The following CADPS2 variants were observed in gnomAD, a reference collection of about 807,000 sequenced individuals.
The protein encoded by CADPS2 is calcium dependent secretion activator 2, also known as calcium-dependent secretion activator 2.
A neutral mutation model predicts 172.5 loss-of-function variants in CADPS2; 93 were observed. That is an observed-to-expected ratio of 0.54 (90% confidence interval 0.46 to 0.64). The LOEUF (loss-of-function observed/expected upper bound fraction) is 0.64. Ranked by LOEUF, CADPS2 falls within the 30% of genes least tolerant of loss-of-function variation. The pLI is 0.00. For synonymous variants in CADPS2, 546 were observed against 555.2 expected, an observed-to-expected ratio of 0.98 and a Z score of 0.23; for missense variants, 1,420 against 1,565.9, an observed-to-expected ratio of 0.91 and a Z score of 1.57.
At chr7:122,471,625 T>G in intron 13 of CADPS2, 63 bp from the exon 14 acceptor site, 3 of 1,395,476 alleles carry the variant, frequency 2.1e-6, no homozygotes, top group Non-Finnish European at 2.9e-6. Flanking sequence ...TTTGCTTTCC[T>G]GAACGCACTT....
intron 6 of CADPS2, among the ~76,000 whole-genome samples, chr7:122,592,988 G>GCATA (rs1554648185): frequency 2.7e-5 from 4 of 148,144 alleles, no homozygotes; most frequent in African/African-American, 1.0e-4. Flanking sequence ...GAAGTAAAAT[G>GCATA]AATAAATAAA....
intron 15 of CADPS2, among the ~76,000 whole-genome samples, chr7:122,444,099 T>C (rs1330015973): frequency 2.0e-5 from 3 of 152,142 alleles, no homozygotes; most frequent in Non-Finnish European, 2.9e-5. Context: ...CTGATTTCTT[T>C]CACTTAGCAT....
intron 1 of CADPS2, among the ~76,000 whole-genome samples, chr7:122,838,184 G>A (rs1809181246): frequency 6.6e-6 from 1 of 152,068 alleles, no homozygotes; most frequent in Non-Finnish European, 1.5e-5. Flanking sequence ...AAAACCACAT[G>A]ATTATCTCAA....
At chr7:122,433,682 C>T (rs770442875) in intron 17 of CADPS2, among the ~76,000 whole-genome samples, 8 of 152,146 alleles carry the variant, frequency 5.3e-5, no homozygotes, top group Non-Finnish European at 1.0e-4. Context: ...GAATTACAGG[C>T]GTGAGCCATT....
At position 122,615,244 on chromosome 7, in the gene CADPS2, TA is replaced by T; in HGVS notation, c.1159del (p.Tyr387ThrfsTer40). The part of the protein sequence containing the change: ...LKSVAPNRIV[Y>X]CTMEVEGEKL... ...TTCTCCTTCCACTTCCATTGTACAGTAAACAATTCGATTGGGAGCAACTGAC... is the reference window on the plus strand; with the variant it reads ...TTCTCCTTCCACTTCCATTGTACAGTAACAATTCGATTGGGAGCAACTGAC... On this transcript the variant is annotated frameshift_variant, in exon 6 of 30. Transcript: ENST00000449022. LOFTEE classifies it high-confidence loss of function. The T allele has an allele frequency of 6.4e-7, 1 of 1,559,898 alleles. No homozygotes were observed. Among genetic ancestry groups the T allele is most frequent in the Non-Finnish European group, 8.7e-7 (1 of 1,149,750 alleles).
At chr7:122,375,686 T>C (rs2042255193) in intron 25 of CADPS2, among the ~76,000 whole-genome samples, 1 of 152,078 alleles carries the variant, frequency 6.6e-6, no homozygotes, top group South Asian at 2.1e-4. Context: ...GGAAAAAGTT[T>C]CTTGACATTG....
In CADPS2 at chr7:122,387,065, CT is replaced by C; in HGVS notation, c.3272del (p.Lys1091SerfsTer21). ...TMFNVLVDAKKQSTKLCALDG... is the reference protein window; with the variant it reads ...TMFNVLVDAKXQSTKLCALDG... Reference sequence around the variant, plus strand: ...CCAGGGCACAGAGTTTGGTGCTTTGCTTTTTGGCATCGACTAATACATTAAA... The same window carrying C: ...CCAGGGCACAGAGTTTGGTGCTTTGCTTTTGGCATCGACTAATACATTAAA... On this transcript the variant is annotated frameshift_variant, in exon 24 of 30. Coordinates refer to ENST00000449022, the MANE Select transcript of CADPS2 (RefSeq NM_017954.11). LOFTEE classifies it high-confidence loss of function. 6.4e-7 allele frequency: 1 copy of C among 1,560,246 alleles called. No individual in the cohort carries two copies. Among genetic ancestry groups the C allele is most frequent in the Non-Finnish European group, 8.7e-7 (1 of 1,150,430 alleles).
chr7:122,350,502 T>TA (rs1010303775), intron 27 of CADPS2, among the ~76,000 whole-genome samples: 3 of 152,192 alleles, frequency 2.0e-5, no homozygotes, highest in African/African-American at 7.2e-5. Flanking sequence ...TGTTCTCACA[T>TA]AAAAAAGGTT....
intron 1 of CADPS2, among the ~76,000 whole-genome samples, chr7:122,816,167 C>A (rs1001415562): frequency 6.6e-6 from 1 of 150,830 alleles, no homozygotes; most frequent in African/African-American, 2.4e-5. Flanking sequence ...TATCTTTCCC[C>A]ACCCCCACCC....
At chr7:122,725,158 GTAC>G (rs1050712731) in intron 2 of CADPS2, among the ~76,000 whole-genome samples, 1 of 151,948 alleles carries the variant, frequency 6.6e-6, no homozygotes, top group African/African-American at 2.4e-5. Context: ...GGCACTGCTA[GTAC>G]TACTGTACTT....
rs796988558 is a variant in CADPS2, at chr7:122,645,681, A to ATATATATATATC, written c.787-16354_787-16353insGATATATATATA. Among the ~76,000 whole-genome samples, 271 of 116,814 alleles carry ATATATATATATC rather than the reference A, an allele frequency of 2.3e-3. 4 individuals are homozygous for ATATATATATATC. The highest frequency in any genetic ancestry group is 8.4e-3 in the Admixed American group (91 of 10,802). 76.6% of individuals were successfully genotyped at this position (116,814 alleles called of 152,430 possible). On this transcript the variant is annotated intron_variant, in intron 3 of 29. Coordinates refer to ENST00000449022, the MANE Select transcript of CADPS2 (RefSeq NM_017954.11). ...AAGATATATATATATATATATATAT[A>ATATATATATATC]TCTTGGGATTTTGCTCTTAGTTAGA...
At chr7:122,858,617 T>A (rs2428907) in intron 1 of CADPS2, among the ~76,000 whole-genome samples, 4 of 152,208 alleles carry the variant, frequency 2.6e-5, no homozygotes, top group African/African-American at 9.7e-5. Context: ...GTTTCATCGC[T>A]TGCTTTTAAC....
intron 2 of CADPS2, among the ~76,000 whole-genome samples, chr7:122,730,590 C>T (rs1178392190): frequency 6.6e-6 from 1 of 151,612 alleles, no homozygotes; most frequent in Non-Finnish European, 1.5e-5. Context: ...TTACTTAAAA[C>T]CATGTTTATA....
At position 122,732,213 on chromosome 7, in the gene CADPS2, A is replaced by C. The variant is rs1588848032; in HGVS notation, c.453+4742T>G. Among the ~76,000 whole-genome samples the C allele has an allele frequency of 2.0e-5, 3 of 151,856 alleles. No homozygotes were observed. The East Asian group carries it at 5.8e-4, about 29-fold the overall frequency. On this transcript the variant is annotated intron_variant, in intron 2 of 29. Transcript: ENST00000449022. ...TCCTTTAAAAAAATGTACCAAGAAGAAATGAATTTTGTCAAATAACGTGGA... is the reference window on the plus strand; with the variant it reads ...TCCTTTAAAAAAATGTACCAAGAAGCAATGAATTTTGTCAAATAACGTGGA...
At chr7:122,484,359 T>C (rs1234597190) in intron 11 of CADPS2, among the ~76,000 whole-genome samples, 1 of 152,112 alleles carries the variant, frequency 6.6e-6, no homozygotes. Flanking sequence ...TAAACTCATA[T>C]GTAGTTAATT....
chr7:122,393,409 G>A (rs570983743), intron 21 of CADPS2, 32 bp downstream of exon 21: 1 of 1,613,158 alleles, frequency 6.2e-7, no homozygotes, highest in East Asian at 2.2e-5. Flanking sequence ...TGAAGAGGCA[G>A]GTGCTCTACG....
At chr7:122,508,308 ATTG>A (rs2059757870) in intron 9 of CADPS2, among the ~76,000 whole-genome samples, 1 of 151,966 alleles carries the variant, frequency 6.6e-6, no homozygotes, top group African/African-American at 2.4e-5. Context: ...TGATGATGGC[ATTG>A]TTTTTTTCTC....
At chr7:122,445,012 T>A (rs1364484882) in intron 15 of CADPS2, among the ~76,000 whole-genome samples, 5 of 152,180 alleles carry the variant, frequency 3.3e-5, no homozygotes, top group African/African-American at 7.2e-5. Context: ...CGGAAAAAAG[T>A]ATACTTTGCA....
chr7:122,721,585 T>C (rs1397001389), intron 2 of CADPS2, among the ~76,000 whole-genome samples: 1 of 152,102 alleles, frequency 6.6e-6, no homozygotes, highest in African/African-American at 2.4e-5. Context: ...ACCAGATGGA[T>C]TCACAGCCGA....
Sources: allele counts gnomAD v4.1 joint callset (sites outside exome capture counted in the v4.1 genomes callset), GRCh38; gene constraint gnomAD v4.1.1; transcripts MANE v1.5; gene names NCBI Gene and HGNC (gene_info 2026-07-23, HGNC 2026-07-21).